The following DYSF variants were observed in gnomAD, a reference collection of about 807,000 sequenced individuals.
DYSF encodes dystrophy-associated fer-1-like 1.
A neutral mutation model predicts 274.9 loss-of-function variants in DYSF; 212 were observed. The observed-to-expected ratio is 0.77, with a 90% confidence interval of 0.69 to 0.86. The LOEUF (loss-of-function observed/expected upper bound fraction) is 0.86, where lower values mean the gene tolerates loss of function less well. DYSF is among the 40% of genes least tolerant of loss of function. The pLI is 0.00. For synonymous variants in DYSF, 1,091 were observed against 1,078.7 expected, an observed-to-expected ratio of 1.01 and a Z score of -0.22; for missense variants, 2,666 against 2,783.2, an observed-to-expected ratio of 0.96 and a Z score of 0.95.
chr2:71,560,533 C>T (rs549519292), intron 22 of DYSF, among the ~76,000 whole-genome samples: 2 of 143,326 alleles, frequency 1.4e-5, no homozygotes, highest in African/African-American at 5.3e-5. Flanking sequence ...GTGTGCAGTA[C>T]GTGACCTGAG....
chr2:71,454,105 C>T lies in DYSF; in HGVS notation c.88+19C>T. On this transcript the variant is annotated intron_variant, in intron 1 of 54. Transcript: ENST00000258104. ...TTTGCAGGTAGGAGGGGCCGACCAC[C>T]CTCGCCCGGGGTCGGGGTGGGGTAG... 1.2e-6 allele frequency: 2 copies of T among 1,610,994 alleles called. No homozygotes were observed. Among genetic ancestry groups the T allele is most frequent in the Non-Finnish European group, 1.7e-6 (2 of 1,178,448 alleles).
At position 71,664,350 on chromosome 2, in the gene DYSF, G is replaced by C. The variant is rs368142107; in HGVS notation, c.5086G>C (p.Glu1696Gln). Residue 1696 changes from glutamate (E) to glutamine (Q), a missense_variant, in exon 46 of 56, where the codon GAA (glutamate) becomes CAA (glutamine). Physicochemically the swap from Glu to Gln is conservative, Grantham distance 29. Around this residue, in one of 3 missense-constraint regions of DYSF, gnomAD observed 1,460 missense variants for 1,502.1 expected, o/e 0.97. Transcript: ENST00000410020. Reference sequence around the variant, plus strand: ...TGACTATGACCTCCTCTCCAAGGACGAAAAGATCGGTGAGACGGTCGTCGA... The same window carrying C: ...TGACTATGACCTCCTCTCCAAGGACCAAAAGATCGGTGAGACGGTCGTCGA... ...LYDYDLLSKD[E>Q]KIGETVVDLE... 1.2e-6 allele frequency: 2 copies of C among 1,614,082 alleles called. No homozygotes were observed. The highest frequency in any genetic ancestry group is 2.2e-5 in the South Asian group (2 of 91,084).
At chr2:71,497,786 C>T (rs75691600) in intron 3 of DYSF, among the ~76,000 whole-genome samples, 2 of 152,180 alleles carry the variant, frequency 1.3e-5, no homozygotes, top group African/African-American at 4.8e-5. Flanking sequence ...CAGATCAACT[C>T]GAAATTACAA....
chr2:71,550,919 G>C, intron 17 of DYSF, 122 bp from the exon 18 acceptor site: 1 of 784,258 alleles, frequency 1.3e-6, no homozygotes, highest in Non-Finnish European at 2.3e-6. Flanking sequence ...GACAGGAGCT[G>C]CATCTGGTGC....
At chr2:71,577,512 C>T (rs1359903000) in intron 30 of DYSF, among the ~76,000 whole-genome samples, 2 of 115,734 alleles carry the variant, frequency 1.7e-5, no homozygotes, top group African/African-American at 3.4e-5. Flanking sequence ...CACAGCCCCA[C>T]TCTCATGCAG....
intron 30 of DYSF, among the ~76,000 whole-genome samples, chr2:71,588,290 A>G (rs1286036952): frequency 6.6e-6 from 1 of 152,176 alleles, no homozygotes; most frequent in African/African-American, 2.4e-5. Context: ...GGAGCTGCAT[A>G]GTGACCGAGG....
chr2:71,490,361 C>CA (rs1324131010), intron 3 of DYSF, among the ~76,000 whole-genome samples: 2 of 152,178 alleles, frequency 1.3e-5, no homozygotes, highest in Admixed American at 1.3e-4. Flanking sequence ...TTTTTTGAGA[C>CA]AGAGTTTCGC....
intron 33 of DYSF, 58 bp downstream of exon 33, chr2:71,598,803 G>A: frequency 6.3e-7 from 1 of 1,592,230 alleles, no homozygotes; most frequent in Non-Finnish European, 8.5e-7. Context: ...GTGCAAAGGT[G>A]GGGTCTCCAG....
At chr2:71,543,383 A>G (rs1339616658) in intron 17 of DYSF, among the ~76,000 whole-genome samples, 1 of 138,520 alleles carries the variant, frequency 7.2e-6, no homozygotes, top group East Asian at 2.3e-4. Flanking sequence ...CAGACTGGGC[A>G]GCCGGGCAGA....
chr2:71,553,450 C>A (rs1016312924), intron 20 of DYSF, among the ~76,000 whole-genome samples: 1 of 152,186 alleles, frequency 6.6e-6, no homozygotes, highest in African/African-American at 2.4e-5. Flanking sequence ...GTCAGCCAGC[C>A]TTGGTTTGGA....
At chr2:71,622,130 G>GTGTTTTTTTTTTTTT (rs775688599) in intron 41 of DYSF, among the ~76,000 whole-genome samples, 1 of 97,004 alleles carries the variant, frequency 1.0e-5, no homozygotes, top group African/African-American at 3.9e-5. Context: ...TGATTTCTTT[G>GTGTTTTTTTTTTTTT]TTTTTTTTTT....
intron 40 of DYSF, among the ~76,000 whole-genome samples, chr2:71,617,884 GTGTGGTAGAGGTGTGTT>G (rs2093939366): frequency 7.7e-6 from 1 of 129,838 alleles, no homozygotes; most frequent in African/African-American, 2.8e-5. Context: ...GGTGGGGTGT[GTGTGGTAGAGGTGTGTT>G]TGTGGTAGAG....
At chr2:71,466,962 G>A in intron 1 of DYSF, 29 bp downstream of exon 1, 2 of 1,546,488 alleles carry the variant, frequency 1.3e-6, no homozygotes, top group Non-Finnish European at 1.7e-6. Context: ...CCGCGCCCAT[G>A]CTCGGGTGCT....
At chr2:71,559,366 G>A (rs1374847052) in intron 22 of DYSF, among the ~76,000 whole-genome samples, 3 of 152,114 alleles carry the variant, frequency 2.0e-5, no homozygotes, top group African/African-American at 7.2e-5. Context: ...AGCCCTGGTG[G>A]CTCTGCCTCA....
intron 51 of DYSF, among the ~76,000 whole-genome samples, chr2:71,670,640 CTG>C (rs2095103147): frequency 6.6e-6 from 1 of 152,210 alleles, no homozygotes; most frequent in Non-Finnish European, 1.5e-5. Flanking sequence ...ACCTCGGTCT[CTG>C]TGTCTCAGCA....
chr2:71,578,135 A>G (rs571347008), intron 30 of DYSF, among the ~76,000 whole-genome samples: 4 of 152,318 alleles, frequency 2.6e-5, no homozygotes, highest in Non-Finnish European at 5.9e-5. Context: ...TATTGTTAAA[A>G]TGCAGACTCT....
chr2:71,516,125 C>G, intron 8 of DYSF, 55 bp from the exon 9 acceptor site: 5 of 1,566,238 alleles, frequency 3.2e-6, no homozygotes, highest in Non-Finnish European at 4.4e-6. Context: ...CTCCCTCTCC[C>G]TGGCCTGAGG....
At chr2:71,511,772 G>A (rs547266548) in intron 4 of DYSF, 35 bp from the exon 5 acceptor site, 25 of 1,313,638 alleles carry the variant, frequency 1.9e-5, no homozygotes, top group South Asian at 1.9e-4. Flanking sequence ...CGAGGCCAGC[G>A]CACCAACCTG....
chr2:71,587,631 T>C (rs1192914249), intron 30 of DYSF, among the ~76,000 whole-genome samples: 1 of 152,232 alleles, frequency 6.6e-6, no homozygotes, highest in Non-Finnish European at 1.5e-5. Context: ...AGCAACTCTC[T>C]AAAATAGATA....
Sources: gnomAD v4.1 joint callset for allele counts (sites outside exome capture counted in the v4.1 genomes callset) on GRCh38, gnomAD v4.1.1 for gene constraint, gnomAD v4.1.1 regional missense constraint, MANE v1.5 for transcripts, NCBI Gene and HGNC (gene_info 2026-07-23, HGNC 2026-07-21) for gene names.